The following LAMA3 variants were observed in gnomAD, a reference collection of about 807,000 sequenced individuals.
LAMA3 encodes the protein laminin subunit alpha 3.
In LAMA3, 281 loss-of-function variants were observed where a neutral mutation model predicts 402.0. The observed-to-expected ratio is 0.70, with a 90% CI of 0.63 to 0.77. LAMA3 has a LOEUF of 0.77. Ranked by LOEUF, LAMA3 falls within the 30% of genes least tolerant of loss-of-function variation. The pLI is 0.00. For synonymous variants in LAMA3, 1,431 were observed against 1,558.4 expected, an observed-to-expected ratio of 0.92 and a Z score of 1.93; for missense variants, 3,840 against 4,215.5, an observed-to-expected ratio of 0.91 and a Z score of 2.47.
At chr18:23,833,136 T>C (rs111741233) in intron 23 of LAMA3, among the ~76,000 whole-genome samples, 5 of 152,316 alleles carry the variant, frequency 3.3e-5, no homozygotes, top group African/African-American at 1.2e-4. Flanking sequence ...GAGGACACAC[T>C]TTTTCTGTAA....
intron 4 of LAMA3, among the ~76,000 whole-genome samples, 199 bp from the exon 5 acceptor site, chr18:23,750,719 C>A (rs1336964168): frequency 1.1e-4 from 17 of 151,902 alleles, no homozygotes; most frequent in Non-Finnish European, 2.5e-4. Context: ...ATTGCCAGAC[C>A]TTGGAACCAG....
chr18:23,922,100 G>A (rs3786412), intron 62 of LAMA3, among the ~76,000 whole-genome samples: 107,936 of 151,904 alleles, frequency 0.71, 41,789 homozygotes, highest in Non-Finnish European at 0.89. Flanking sequence ...GTGAACACAT[G>A]AATTAATTAA....
At chr18:23,953,406 A>G (rs2082996321) in intron 74 of LAMA3, among the ~76,000 whole-genome samples, 1 of 139,860 alleles carries the variant, frequency 7.2e-6, no homozygotes, top group Non-Finnish European at 1.5e-5. Flanking sequence ...CAGTGATGTG[A>G]TCTCAGCTCA....
At position 23,943,936 on chromosome 18, in the gene LAMA3, A is replaced by T; in HGVS notation, c.9175A>T (p.Ser3059Cys). Reference protein sequence around the residue: ...GTDGKKLRIKSKEKCNDGKWH... With the variant: ...GTDGKKLRIKCKEKCNDGKWH... ...AGATGGGAAAAAATTGAGGATCAAAAGCAAGGAGAAATGCAATGATGGGAA... is the reference window on the plus strand; with the variant it reads ...AGATGGGAAAAAATTGAGGATCAAATGCAAGGAGAAATGCAATGATGGGAA... The change falls in exon 69 of 75, where the codon AGC (serine) becomes TGC (cysteine). Residue 3059 changes from serine to cysteine, a missense_variant. By Grantham distance (112) the Ser-to-Cys change is moderately radical. This residue lies in a region of LAMA3 where 840 missense variants were observed against 981.9 expected (regional missense o/e 0.86). Transcript: ENST00000313654. The T allele has an allele frequency of 1.2e-6, 2 of 1,614,160 alleles. No individual in the cohort carries two copies. The highest frequency in any genetic ancestry group is 1.1e-5 in the South Asian group (1 of 91,082).
intron 18 of LAMA3, among the ~76,000 whole-genome samples, chr18:23,819,385 G>A (rs960195281): frequency 5.9e-5 from 9 of 152,102 alleles, no homozygotes; most frequent in African/African-American, 1.9e-4. Flanking sequence ...TGTAAATTTA[G>A]CATATGAAAT....
At chr18:23,784,548 G>T (rs1191116934) in intron 12 of LAMA3, among the ~76,000 whole-genome samples, 3 of 152,122 alleles carry the variant, frequency 2.0e-5, no homozygotes, top group African/African-American at 4.8e-5. Flanking sequence ...TGGGAAGGTG[G>T]ATGACAGAAG....
chr18:23,773,552 A>G lies in LAMA3; in HGVS notation c.1238A>G (p.Tyr413Cys). The G allele has an allele frequency of 6.3e-7, 1 of 1,597,692 alleles. No homozygotes were observed. The highest frequency in any genetic ancestry group is 8.5e-7 in the Non-Finnish European group (1 of 1,170,104). ...EQCAKGYYRP[Y>C]GVPVDAPDGC... ...TGTGCTAAGGGCTATTACCGCCCTT[A>G]TGGGGTTCCAGTGGATGCCCCTGAT... Residue 413 changes from tyrosine (Y) to cysteine (C), a missense_variant, in exon 9 of 75, where the codon TAT becomes TGT. Coordinates refer to ENST00000313654, the MANE Select transcript of LAMA3 (RefSeq NM_198129.4).
intron 12 of LAMA3, among the ~76,000 whole-genome samples, chr18:23,794,269 G>A (rs1390653297): frequency 6.6e-6 from 1 of 152,242 alleles, no homozygotes; most frequent in African/African-American, 2.4e-5. Context: ...CTTGGGGCAG[G>A]TTAAAAGAGG....
chr18:23,867,265 T>A (rs1055817183), intron 36 of LAMA3, among the ~76,000 whole-genome samples: 11 of 151,886 alleles, frequency 7.2e-5, no homozygotes, highest in African/African-American at 1.2e-4. Flanking sequence ...GTTTAAAAAA[T>A]TTTTTTTTCT....
intron 12 of LAMA3, among the ~76,000 whole-genome samples, chr18:23,801,620 T>A (rs1042929395): frequency 1.3e-5 from 2 of 152,176 alleles, no homozygotes; most frequent in African/African-American, 4.8e-5. Context: ...GAAACCTCCA[T>A]ACTGTTTTCC....
At chr18:23,850,193 A>C (rs2063912270) in intron 32 of LAMA3, among the ~76,000 whole-genome samples, 1 of 152,258 alleles carries the variant, frequency 6.6e-6, no homozygotes, top group African/African-American at 2.4e-5. Flanking sequence ...ACAAATCATC[A>C]CAAACTGCAA....
intron 69 of LAMA3, 44 bp from the exon 70 acceptor site, chr18:23,946,100 G>T (rs1424901339): frequency 1.1e-5 from 17 of 1,589,694 alleles, no homozygotes; most frequent in Non-Finnish European, 1.5e-5. Context: ...AACACCAATT[G>T]TCAAAGGTAA....
At chr18:23,704,096 T>C (rs113416248) in intron 1 of LAMA3, among the ~76,000 whole-genome samples, 1 of 152,142 alleles carries the variant, frequency 6.6e-6, no homozygotes, top group African/African-American at 2.4e-5. Context: ...GAAACATGAA[T>C]GTGGTAATTT....
At chr18:23,780,031 C>A (rs2062404064) in intron 11 of LAMA3, among the ~76,000 whole-genome samples, 1 of 152,198 alleles carries the variant, frequency 6.6e-6, no homozygotes, top group South Asian at 2.1e-4. Context: ...CAGAGAGGGC[C>A]AGGCACATTC....
chr18:23,913,660 T>G (rs993672332), intron 56 of LAMA3, among the ~76,000 whole-genome samples: 2 of 152,232 alleles, frequency 1.3e-5, no homozygotes, highest in Non-Finnish European at 2.9e-5. Flanking sequence ...ATCTTGTATT[T>G]AAAGATTCTT....
At chr18:23,952,341 C>T (rs2082945840) in intron 73 of LAMA3, among the ~76,000 whole-genome samples, 1 of 152,014 alleles carries the variant, frequency 6.6e-6, no homozygotes, top group African/African-American at 2.4e-5. Flanking sequence ...TTTTTTTCAA[C>T]AACCATTTAA....
intron 23 of LAMA3, among the ~76,000 whole-genome samples, chr18:23,832,074 C>T (rs1467078678): frequency 6.6e-6 from 1 of 152,202 alleles, no homozygotes; most frequent in African/African-American, 2.4e-5. Context: ...TCAAACAAGT[C>T]TTCCAACAGG....
chr18:23,710,837 A>G (rs1172912183), intron 1 of LAMA3, among the ~76,000 whole-genome samples: 4 of 152,158 alleles, frequency 2.6e-5, no homozygotes, highest in African/African-American at 9.6e-5. Context: ...ACATTATTAA[A>G]TTTTTAGAAT....
chr18:23,843,759 C>T (rs932750124), intron 29 of LAMA3, among the ~76,000 whole-genome samples: 2 of 152,206 alleles, frequency 1.3e-5, no homozygotes, highest in African/African-American at 4.8e-5. Context: ...CCTAATTCAT[C>T]TTTTATCTTT....
Sources: gnomAD v4.1 joint callset for allele counts (sites outside exome capture counted in the v4.1 genomes callset) on GRCh38, gnomAD v4.1.1 for gene constraint, gnomAD v4.1.1 regional missense constraint, MANE v1.5 for transcripts, NCBI Gene and HGNC (gene_info 2026-07-23, HGNC 2026-07-21) for gene names.